The following PRRC2B variants were observed in gnomAD, a reference collection of about 807,000 sequenced individuals.
PRRC2B encodes protein PRRC2B.
A neutral mutation model predicts 242.3 loss-of-function variants in PRRC2B; 68 were observed. That is an observed-to-expected ratio of 0.28 (90% CI 0.23 to 0.34). PRRC2B has a LOEUF of 0.34. Ranked by LOEUF, PRRC2B falls within the 10% of genes least tolerant of loss-of-function variation. The probability of loss-of-function intolerance (pLI) is 1.00; values close to 1 mark genes in which losing one functional copy is unlikely to be tolerated. For synonymous variants in PRRC2B, 1,228 were observed against 1,173.6 expected (o/e 1.05, Z -0.95); for missense variants, 2,835 against 2,954.8 (o/e 0.96, Z 0.94).
Position 131,473,540 on chromosome 9 carries a change from C to A in PRRC2B, c.2140C>A (p.Leu714Ile). The A allele has an allele frequency of 6.2e-7, 1 of 1,607,860 alleles. No individual in the cohort carries two copies. Among genetic ancestry groups the A allele is most frequent in the Admixed American group, 1.7e-5 (1 of 59,230 alleles). ...GAAGCCCATGATGCCCCAGGAGTCCCTCAATGGGACAGGCTGTCGCTCTGA... is the reference window on the plus strand; with the variant it reads ...GAAGCCCATGATGCCCCAGGAGTCCATCAATGGGACAGGCTGTCGCTCTGA... ...LMKPMMPQES[L>I]NGTGCRSEDQ... is the part of the protein sequence containing the mutation. Residue 714 changes from leucine (L) to isoleucine (I), a missense_variant, in exon 15 of 32, where the codon CTC becomes ATC. Coordinates refer to ENST00000683519, the MANE Select transcript of PRRC2B (RefSeq NM_013318.4).
At chr9:131,460,735 G>A (rs1943219154) in intron 11 of PRRC2B, among the ~76,000 whole-genome samples, 1 of 152,172 alleles carries the variant, frequency 6.6e-6, no homozygotes. Context: ...GCCAGTGCGT[G>A]TCCTTTTTCC....
At chr9:131,438,124 T>C (rs988820061) in intron 4 of PRRC2B, among the ~76,000 whole-genome samples, 1 of 152,224 alleles carries the variant, frequency 6.6e-6, no homozygotes, top group African/African-American at 2.4e-5. Context: ...TTTTAGAACA[T>C]CTACCAGTAA....
At chr9:131,420,453 T>TTTTCTTTTTCTTTC (rs1837777532) in intron 1 of PRRC2B, among the ~76,000 whole-genome samples, 15 of 60,982 alleles carry the variant, frequency 2.5e-4, no homozygotes, top group Non-Finnish European at 1.3e-4. Flanking sequence ...TTCTTTTTCT[T>TTTTCTTTTTCTTTC]TTTCTTTCTT....
In PRRC2B at chr9:131,483,448, A is replaced by G; in HGVS notation, c.5460+3A>G. On this transcript the variant is annotated splice_donor_region_variant and intron_variant, in intron 23 of 31. Transcript: ENST00000683519. ...TTCAGGATGCCTTGGCCAGTAATGT[A>G]AGTCCACACTTCCACTTTTGGCTCC... 1 of 1,613,316 alleles carries G rather than the reference A, an allele frequency of 6.2e-7. No homozygotes were observed. The highest frequency in any genetic ancestry group is 8.5e-7 in the Non-Finnish European group (1 of 1,179,472).
rs374047862 is a variant in PRRC2B at position 131,431,864 on chromosome 9, G to T, written c.116-753G>T. ...GCCTCCCAAAGTGCTGAGATTACAG[G>T]CATGAGCCACCGCGCCCGGCCATCC... On this transcript the variant is annotated intron_variant, in intron 2 of 31. Transcript: ENST00000683519. Among the ~76,000 whole-genome samples the T allele has an allele frequency of 8.5e-5, 13 of 152,272 alleles. No homozygotes were observed. The East Asian group carries it at 2.1e-3, about 25-fold the overall frequency.
At chr9:131,485,358 AG>A (rs1368480602) in intron 25 of PRRC2B, among the ~76,000 whole-genome samples, 1 of 152,166 alleles carries the variant, frequency 6.6e-6, no homozygotes, top group Non-Finnish European at 1.5e-5. Context: ...GATAACAGCG[AG>A]GCACTCCTGC....
At chr9:131,423,761 C>T (rs925220086) in intron 1 of PRRC2B, among the ~76,000 whole-genome samples, 3 of 152,212 alleles carry the variant, frequency 2.0e-5, no homozygotes, top group Admixed American at 6.5e-5. Context: ...GGAAGATTCT[C>T]CACTTGTGCA....
At chr9:131,451,600 C>T (rs957437261) in intron 9 of PRRC2B, among the ~76,000 whole-genome samples, 3 of 151,102 alleles carry the variant, frequency 2.0e-5, no homozygotes, top group East Asian at 1.9e-4. Flanking sequence ...TGCCTTATTG[C>T]ACTGTGGTAT....
intron 20 of PRRC2B, 135 bp downstream of exon 20, chr9:131,481,943 A>G (rs868864896): frequency 7.5e-6 from 6 of 797,200 alleles, no homozygotes; most frequent in Middle Eastern, 3.1e-4. Context: ...GGTTGTTTCC[A>G]TGGGGCCAAG....
At chr9:131,375,526 A>T (rs12343446) in intron 1 of PRRC2B, among the ~76,000 whole-genome samples, 4,189 of 152,310 alleles carry the variant, frequency 0.028, 190 homozygotes, top group African/African-American at 0.095. Flanking sequence ...TGCACTTAAT[A>T]AATGATGCTG....
At chr9:131,495,347 G>A (rs1027382100) in intron 31 of PRRC2B, among the ~76,000 whole-genome samples, 1 of 152,144 alleles carries the variant, frequency 6.6e-6, no homozygotes, top group Admixed American at 6.5e-5. Context: ...GCTCCGAGAC[G>A]TGCAGGGGGC....
intron 19 of PRRC2B, among the ~76,000 whole-genome samples, chr9:131,480,542 T>C (rs1457206100): frequency 6.6e-6 from 1 of 152,124 alleles, no homozygotes; most frequent in Non-Finnish European, 1.5e-5. Flanking sequence ...CAGGGGCTCA[T>C]TGGTTTCTCA....
chr9:131,415,713 C>G (rs1236497222), intron 1 of PRRC2B, among the ~76,000 whole-genome samples: 1 of 152,170 alleles, frequency 6.6e-6, no homozygotes, highest in Admixed American at 6.5e-5. Context: ...CTCCTGAGAA[C>G]TCATTGCCAT....
intron 13 of PRRC2B, 95 bp downstream of exon 13, chr9:131,467,848 G>C: frequency 1.5e-6 from 2 of 1,300,024 alleles, no homozygotes; most frequent in Admixed American, 2.1e-5. Context: ...CTCCAACTTA[G>C]AAAAAGGCCA....
At chr9:131,459,939 C>A (rs1943193979) in intron 11 of PRRC2B, among the ~76,000 whole-genome samples, 1 of 131,586 alleles carries the variant, frequency 7.6e-6, no homozygotes, top group African/African-American at 3.0e-5. Context: ...AGTTCAAGAC[C>A]ATCCTGGCCA....
intron 9 of PRRC2B, among the ~76,000 whole-genome samples, chr9:131,448,543 C>CAAAAAAA (rs754661321): frequency 0.01 from 404 of 39,874 alleles, 130 homozygotes; most frequent in South Asian, 0.04. Flanking sequence ...GACACTGTCT[C>CAAAAAAA]AAAAAAAAAA....
At chr9:131,460,996 A>G (rs1167147640) in intron 11 of PRRC2B, among the ~76,000 whole-genome samples, 1 of 152,092 alleles carries the variant, frequency 6.6e-6, no homozygotes, top group African/African-American at 2.4e-5. Context: ...TCATATTTGT[A>G]TTATTTCTGT....
intron 1 of PRRC2B, among the ~76,000 whole-genome samples, chr9:131,420,276 T>C (rs1837766925): frequency 6.6e-6 from 1 of 151,744 alleles, no homozygotes; most frequent in Non-Finnish European, 1.5e-5. Flanking sequence ...TGCAGTGTTC[T>C]GCAGGGACCT....
intron 1 of PRRC2B, among the ~76,000 whole-genome samples, chr9:131,387,244 G>A (rs1017494928): frequency 1.3e-5 from 2 of 150,020 alleles, no homozygotes; most frequent in Non-Finnish European, 3.0e-5. Context: ...CAGGTGATCC[G>A]CCCGTCTCCG....
Sources: gnomAD v4.1 joint callset for allele counts (sites outside exome capture counted in the v4.1 genomes callset) on GRCh38, gnomAD v4.1.1 for gene constraint, MANE v1.5 for transcripts, NCBI Gene and HGNC (gene_info 2026-07-23, HGNC 2026-07-21) for gene names.